The following POLD3 variants were observed in gnomAD, a reference collection of about 807,000 sequenced individuals.
The protein encoded by POLD3 is DNA polymerase delta 3, accessory subunit.
A neutral mutation model predicts 58.2 loss-of-function variants in POLD3; 19 were observed. The observed-to-expected ratio is 0.33, with a 90% CI of 0.23 to 0.48. The LOEUF (loss-of-function observed/expected upper bound fraction) is 0.48, where lower values mean the gene tolerates loss of function less well. Ranked by LOEUF, POLD3 falls within the 20% of genes least tolerant of loss-of-function variation. The pLI is 0.99. For missense variants in POLD3, 504 were observed against 545.5 expected, an observed-to-expected ratio of 0.92 and a Z score of 0.76; for synonymous variants, 172 against 193.5, an observed-to-expected ratio of 0.89 and a Z score of 0.92.
At chr11:74,662,928 G>C (rs938294110) in intron 4 of POLD3, among the ~76,000 whole-genome samples, 1 of 152,170 alleles carries the variant, frequency 6.6e-6, no homozygotes, top group Non-Finnish European at 1.5e-5. Flanking sequence ...CATCTGCTGA[G>C]TTCAGCCCAG....
chr11:74,597,211 A>C (rs926947916), intron 2 of POLD3, among the ~76,000 whole-genome samples: 1 of 152,336 alleles, frequency 6.6e-6, no homozygotes, highest in South Asian at 2.1e-4. Flanking sequence ...CATTCCCACC[A>C]ACAATGTATA....
chr11:74,629,858 TA>T (rs2032541704), intron 9 of POLD3, among the ~76,000 whole-genome samples: 1 of 152,106 alleles, frequency 6.6e-6, no homozygotes, highest in African/African-American at 2.4e-5. Flanking sequence ...TTTAAAAAAA[TA>T]TCAAGTATTT....
At chr11:74,627,929 A>G (rs1335123946) in intron 8 of POLD3, among the ~76,000 whole-genome samples, 2 of 152,142 alleles carry the variant, frequency 1.3e-5, no homozygotes, top group East Asian at 1.9e-4. Flanking sequence ...TGTTTTCTGA[A>G]GGAGTTTATA....
chr11:74,622,457 G>A (rs1406040269), intron 7 of POLD3, among the ~76,000 whole-genome samples: 1 of 152,206 alleles, frequency 6.6e-6, no homozygotes, highest in Non-Finnish European at 1.5e-5. Context: ...ATGTAACACG[G>A]TGAGGGGGAA....
In POLD3 at chr11:74,620,733, T is replaced by TGA. The variant is rs886184343; in HGVS notation, c.733+648_733+649dup. On this transcript the variant is annotated intron_variant, in intron 7 of 11. Transcript: ENST00000263681. ...CTTCTCATATCAAGTGTACATCCCC[T>TGA]GAGAGTATGTGGTAGAATACCAGGA... Among the ~76,000 whole-genome samples, 4 of 152,270 alleles carry TGA rather than the reference T, an allele frequency of 2.6e-5. No individual in the cohort carries two copies. In the East Asian group the frequency reaches 7.7e-4, roughly 29 times the overall value.
chr11:74,631,571 G>A (rs1415608839), intron 9 of POLD3, among the ~76,000 whole-genome samples: 3 of 141,096 alleles, frequency 2.1e-5, no homozygotes, highest in Admixed American at 7.8e-5. Context: ...TGCAACCTCC[G>A]TCTCCCGGGT....
chr11:74,639,192 T>G (rs1309714100), intron 11 of POLD3, among the ~76,000 whole-genome samples: 1 of 152,218 alleles, frequency 6.6e-6, no homozygotes, highest in African/African-American at 2.4e-5. Flanking sequence ...ACCCCAGATC[T>G]GCTGAGTCTG....
intron 5 of POLD3, among the ~76,000 whole-genome samples, chr11:74,613,943 G>T (rs1309764464): frequency 6.6e-6 from 1 of 152,176 alleles, no homozygotes; most frequent in Non-Finnish European, 1.5e-5. Context: ...GACACAGAAG[G>T]TTATGATATC....
At chr11:74,607,460 G>T (rs893486724) in intron 3 of POLD3, among the ~76,000 whole-genome samples, 5 of 150,964 alleles carry the variant, frequency 3.3e-5, no homozygotes, top group African/African-American at 1.2e-4. Flanking sequence ...GTAGAGACGG[G>T]TTTCACCATA....
chr11:74,609,368 A>AT (rs2031817768), intron 3 of POLD3, among the ~76,000 whole-genome samples: 2 of 21,260 alleles, frequency 9.4e-5, no homozygotes, highest in Non-Finnish European at 1.9e-4. Context: ...ATATATATAT[A>AT]TATATTTTTT....
intron 9 of POLD3, among the ~76,000 whole-genome samples, chr11:74,631,831 A>G (rs1591314518): frequency 6.6e-6 from 1 of 151,904 alleles, no homozygotes; most frequent in Non-Finnish European, 1.5e-5. Flanking sequence ...TAGTTTTCTT[A>G]TTACTCACTC....
intron 3 of POLD3, among the ~76,000 whole-genome samples, chr11:74,605,194 T>C (rs1020703098): frequency 7.2e-5 from 11 of 152,244 alleles, no homozygotes; most frequent in African/African-American, 2.7e-4. Flanking sequence ...TTCATTTGGG[T>C]AGGCTTACGT....
chr11:74,665,405 T>TC (rs1297939483), intron 4 of POLD3, among the ~76,000 whole-genome samples: 1 of 140,146 alleles, frequency 7.1e-6, no homozygotes, highest in Non-Finnish European at 1.6e-5. Context: ...TTTTTTTTTT[T>TC]TTTTTTTTTG....
chr11:74,659,901 G>A (rs367662704), intron 4 of POLD3, among the ~76,000 whole-genome samples: 12 of 152,212 alleles, frequency 7.9e-5, no homozygotes, highest in Non-Finnish European at 1.2e-4. Context: ...TGCCGTTACC[G>A]AGTTCCAAAC....
At chr11:74,607,363 C>T (rs191300169) in intron 3 of POLD3, among the ~76,000 whole-genome samples, 4 of 150,306 alleles carry the variant, frequency 2.7e-5, no homozygotes, top group Admixed American at 2.0e-4. Flanking sequence ...CCTGGGTTCA[C>T]GTCATTCTCC....
At position 74,620,103 on chromosome 11, in the gene POLD3, T is replaced by TA. The variant is rs768121748; in HGVS notation, c.733+15dup. 11 of 1,570,014 alleles carry TA rather than the reference T, an allele frequency of 7.0e-6. No individual in the cohort carries two copies. In the South Asian group the frequency reaches 1.2e-4, roughly 17 times the overall value. On this transcript the variant is annotated intron_variant, in intron 7 of 11. Transcript: ENST00000263681. ...AAGCTGCTATGAGTAAGCATGTTCT[T>TA]ACCTCACTTTGACTAACGAATGAAT... is the stretch of plus-strand genomic sequence containing the variant.
chr11:74,624,065 G>T (rs1323588207), intron 7 of POLD3, among the ~76,000 whole-genome samples: 1 of 152,066 alleles, frequency 6.6e-6, no homozygotes, highest in Non-Finnish European at 1.5e-5. Flanking sequence ...AGTATTTGGA[G>T]GTTTTTTTCT....
At chr11:74,654,686 G>C (rs2033111379) in intron 4 of POLD3, among the ~76,000 whole-genome samples, 1 of 152,250 alleles carries the variant, frequency 6.6e-6, no homozygotes, top group East Asian at 1.9e-4. Flanking sequence ...CCACCAGCTT[G>C]GTCACCATAG....
chr11:74,617,916 A>G (rs1370449988), intron 5 of POLD3, among the ~76,000 whole-genome samples: 1 of 152,018 alleles, frequency 6.6e-6, no homozygotes, highest in Non-Finnish European at 1.5e-5. Flanking sequence ...ACAAGGTTTC[A>G]CCATGTTGCC....
Sources: allele counts gnomAD v4.1 joint callset (sites outside exome capture counted in the v4.1 genomes callset), GRCh38; gene constraint gnomAD v4.1.1; transcripts MANE v1.5; gene names NCBI Gene and HGNC (gene_info 2026-07-23, HGNC 2026-07-21).